The following CNTN6 variants were observed in gnomAD, a reference collection of about 807,000 sequenced individuals.
CNTN6 encodes the protein contactin 6, also known as contactin-6.
A neutral mutation model predicts 122.8 loss-of-function variants in CNTN6; 137 were observed. The ratio of observed to expected loss-of-function variants is 1.12; its 90% CI spans 0.97 to 1.29. CNTN6 has a LOEUF of 1.29. CNTN6 is among the 50% of genes most tolerant of loss of function. The probability of loss-of-function intolerance (pLI) is 0.00; values close to 1 mark genes in which losing one functional copy is unlikely to be tolerated. For synonymous variants in CNTN6, 570 were observed against 426.0 expected (o/e 1.34, Z -4.16); for missense variants, 1,634 against 1,223.4 (o/e 1.34, Z -5.01).
At chr3:1,379,248 C>A (rs909268966) in intron 17 of CNTN6, among the ~76,000 whole-genome samples, 5 of 152,124 alleles carry the variant, frequency 3.3e-5, no homozygotes, top group African/African-American at 1.2e-4. Flanking sequence ...GGTACACAAA[C>A]CATGACCTAT....
intron 1 of CNTN6, among the ~76,000 whole-genome samples, chr3:1,103,121 A>T (rs182364937): frequency 7.2e-4 from 110 of 152,308 alleles, no homozygotes; most frequent in Middle Eastern, 3.4e-3. Flanking sequence ...ATAAAAATAA[A>T]AAAAAAAGAA....
intron 2 of CNTN6, among the ~76,000 whole-genome samples, chr3:1,201,871 G>A (rs189244231): frequency 1.4e-3 from 213 of 151,750 alleles, no homozygotes; most frequent in African/African-American, 4.9e-3. Context: ...AATAACAGCA[G>A]GGATTAAAAA....
In CNTN6 at chr3:1,253,651, A is replaced by G. The variant is rs576777438; in HGVS notation, c.359-24762A>G. Among the ~76,000 whole-genome samples, 4 of 152,302 alleles carry G rather than the reference A, an allele frequency of 2.6e-5. No homozygotes were observed. In the South Asian group the frequency reaches 8.3e-4, roughly 32 times the overall value. On this transcript the variant is annotated intron_variant, in intron 4 of 22. Coordinates refer to ENST00000446702, the MANE Select transcript of CNTN6 (RefSeq NM_001289080.2). The stretch of plus-strand genomic sequence containing the variant: ...TGGTTTCAGCAGGTATTAGATTCTC[A>G]TAAGGAGTGCACAACCTAGATCCCT...
At chr3:1,237,611 A>C (rs1032594296) in intron 4 of CNTN6, among the ~76,000 whole-genome samples, 4 of 152,216 alleles carry the variant, frequency 2.6e-5, no homozygotes, top group Admixed American at 6.5e-5. Flanking sequence ...GGTTATCTAA[A>C]GTTGAGACAA....
At chr3:1,221,765 G>GTTTCTACA (rs1276978105) in intron 3 of CNTN6, among the ~76,000 whole-genome samples, 2 of 152,090 alleles carry the variant, frequency 1.3e-5, no homozygotes, top group African/African-American at 4.8e-5. Context: ...AACTTCATAT[G>GTTTCTACA]TAGTGTTAAT....
intron 2 of CNTN6, among the ~76,000 whole-genome samples, chr3:1,213,054 A>T (rs1429935682): frequency 6.6e-6 from 1 of 152,198 alleles, no homozygotes; most frequent in African/African-American, 2.4e-5. Context: ...CATCTATCAA[A>T]TGGGAACAGA....
chr3:1,322,688 T>C (rs1225384909), intron 8 of CNTN6, among the ~76,000 whole-genome samples: 6 of 151,408 alleles, frequency 4.0e-5, no homozygotes, highest in Non-Finnish European at 8.9e-5. Flanking sequence ...TCCAGGATAC[T>C]GTAATTATCC....
chr3:1,122,657 A>G (rs2092003674), intron 1 of CNTN6, among the ~76,000 whole-genome samples: 1 of 151,814 alleles, frequency 6.6e-6, no homozygotes, highest in Non-Finnish European at 1.5e-5. Context: ...CTGCCTATGT[A>G]GATTTATCAG....
chr3:1,139,141 T>A (rs1309534812), intron 1 of CNTN6, among the ~76,000 whole-genome samples: 1 of 152,156 alleles, frequency 6.6e-6, no homozygotes, highest in Non-Finnish European at 1.5e-5. Flanking sequence ...ATGTCTTGAG[T>A]AAGACTAGTT....
At chr3:1,182,258 G>A (rs1376498680) in intron 2 of CNTN6, among the ~76,000 whole-genome samples, 4 of 152,092 alleles carry the variant, frequency 2.6e-5, no homozygotes, top group African/African-American at 9.7e-5. Context: ...TGAACTTTTA[G>A]TAACTTTATT....
At chr3:1,276,582 A>G (rs886903642) in intron 4 of CNTN6, among the ~76,000 whole-genome samples, 1 of 152,214 alleles carries the variant, frequency 6.6e-6, no homozygotes, top group Non-Finnish European at 1.5e-5. Context: ...TCTATTCAGT[A>G]CAACAAAACG....
intron 4 of CNTN6, among the ~76,000 whole-genome samples, chr3:1,246,089 A>C (rs73002340): frequency 0.029 from 4,431 of 152,244 alleles, 77 homozygotes; most frequent in Middle Eastern, 0.054. Context: ...ATATATACAG[A>C]AAAGTACAAA....
At chr3:1,218,078 T>C (rs1302259169) in intron 2 of CNTN6, among the ~76,000 whole-genome samples, 2 of 152,104 alleles carry the variant, frequency 1.3e-5, no homozygotes, top group African/African-American at 2.4e-5. Flanking sequence ...CCTGAGGTGC[T>C]GGAACCTGAG....
At chr3:1,227,390 T>G (rs1319058972) in intron 3 of CNTN6, among the ~76,000 whole-genome samples, 1 of 152,236 alleles carries the variant, frequency 6.6e-6, no homozygotes, top group East Asian at 1.9e-4. Context: ...AAAATTATGC[T>G]TGCCGCTTTC....
Position 1,295,548 on chromosome 3 carries a change from G to A in CNTN6, c.455-53G>A, listed in dbSNP as rs1202336159. 5 of 1,448,000 alleles carry A rather than the reference G, an allele frequency of 3.5e-6. No homozygotes were observed. In the Admixed American group the frequency reaches 5.4e-5, roughly 16 times the overall value. The allele number at this position is 1,448,000 out of a possible 1,614,324, so 89.7% of individuals were successfully genotyped here. A position where few individuals can be genotyped will look rare whatever the true frequency, so the allele number is the denominator to read the frequency against. The stretch of plus-strand genomic sequence containing the variant: ...AAAGAATTTTCAGATATGAATGAAT[G>A]CAGTAAGGACAGTATGGTTTTGTTT... On this transcript the variant is annotated intron_variant, in intron 5 of 22. Transcript: ENST00000446702.
intron 2 of CNTN6, among the ~76,000 whole-genome samples, chr3:1,211,393 TAA>T (rs1019586195): frequency 6.6e-6 from 1 of 152,180 alleles, no homozygotes; most frequent in Non-Finnish European, 1.5e-5. Context: ...TGATTTCCTC[TAA>T]AAGCCCAGGT....
intron 2 of CNTN6, among the ~76,000 whole-genome samples, chr3:1,181,411 C>T (rs6783889): frequency 0.09 from 13,675 of 152,134 alleles, 728 homozygotes; most frequent in Non-Finnish European, 0.13. Flanking sequence ...ATGCAAGCTG[C>T]TTATTATTCC....
chr3:1,284,166 G>C (rs74643609), intron 5 of CNTN6, among the ~76,000 whole-genome samples: 1 of 152,208 alleles, frequency 6.6e-6, no homozygotes, highest in Admixed American at 6.5e-5. Context: ...ATCTGTGTCT[G>C]TAGCAGGAAG....
intron 4 of CNTN6, among the ~76,000 whole-genome samples, chr3:1,253,529 T>C (rs2094704341): frequency 6.6e-6 from 1 of 152,186 alleles, no homozygotes; most frequent in Non-Finnish European, 1.5e-5. Context: ...ATTGATGACA[T>C]CGTTTTCAAC....
Sources: allele counts gnomAD v4.1 joint callset (sites outside exome capture counted in the v4.1 genomes callset), GRCh38; gene constraint gnomAD v4.1.1; transcripts MANE v1.5; gene names NCBI Gene and HGNC (gene_info 2026-07-23, HGNC 2026-07-21).